Variants in GALNT17 observed in about 807,000 individuals in gnomAD.
GALNT17 encodes polypeptide N-acetylgalactosaminyltransferase 17, also known as UDP-GalNAc:polypeptide N-acetylgalactosaminyltransferase-like 3.
GALNT17 carries 29 observed loss-of-function variants against 63.7 expected under a neutral mutation model. The observed-to-expected ratio is 0.46, with a 90% confidence interval of 0.34 to 0.62. The LOEUF (loss-of-function observed/expected upper bound fraction) is 0.62. GALNT17 is among the 20% of genes least tolerant of loss of function. The pLI is 0.01. For missense variants in GALNT17, 603 were observed against 799.6 expected (o/e 0.75, Z 2.97); for synonymous variants, 305 against 318.3 (o/e 0.96, Z 0.45).
At chr7:71,375,972 C>T (rs943077965) in intron 2 of GALNT17, among the ~76,000 whole-genome samples, 3 of 151,908 alleles carry the variant, frequency 2.0e-5, no homozygotes, top group Non-Finnish European at 2.9e-5. Flanking sequence ...AGCTACTTGA[C>T]GGGGGCTGAG....
intron 5 of GALNT17, among the ~76,000 whole-genome samples, chr7:71,428,395 G>T (rs1358242948): frequency 6.6e-6 from 1 of 151,676 alleles, no homozygotes; most frequent in African/African-American, 2.4e-5. Flanking sequence ...AGTTTATGAG[G>T]TTCATTCATG....
intron 1 of GALNT17, among the ~76,000 whole-genome samples, chr7:71,334,155 C>T (rs555340190): frequency 8.5e-5 from 13 of 152,272 alleles, no homozygotes; most frequent in African/African-American, 2.2e-4. Context: ...GCTCGTCTGA[C>T]GGTGCTCGTT....
intron 5 of GALNT17, among the ~76,000 whole-genome samples, chr7:71,525,716 C>A (rs758411774): frequency 3.5e-5 from 5 of 144,102 alleles, no homozygotes; most frequent in African/African-American, 1.3e-4. Flanking sequence ...TGAAATTACT[C>A]AGTCTTGGGT....
intron 3 of GALNT17, among the ~76,000 whole-genome samples, chr7:71,399,013 A>G (rs1403908083): frequency 6.6e-6 from 1 of 152,128 alleles, no homozygotes; most frequent in Admixed American, 6.6e-5. Context: ...TGGGACGATC[A>G]CTTGAGGTCA....
At chr7:71,579,207 T>C (rs1377596135) in intron 6 of GALNT17, among the ~76,000 whole-genome samples, 1 of 152,248 alleles carries the variant, frequency 6.6e-6, no homozygotes, top group Non-Finnish European at 1.5e-5. Context: ...GCAAAGTTCC[T>C]GGTCTTGTCC....
At chr7:71,383,896 G>A (rs1463556023) in intron 2 of GALNT17, among the ~76,000 whole-genome samples, 1 of 152,230 alleles carries the variant, frequency 6.6e-6, no homozygotes, top group African/African-American at 2.4e-5. Flanking sequence ...ATTTAGCTGC[G>A]AATAATGCTC....
At chr7:71,205,442 G>A (rs1636497) in intron 1 of GALNT17, among the ~76,000 whole-genome samples, 20,651 of 151,950 alleles carry the variant, frequency 0.14, 1,450 homozygotes, top group East Asian at 0.23. Context: ...ATGAGCCACC[G>A]TGCCCGGCCA....
intron 1 of GALNT17, among the ~76,000 whole-genome samples, chr7:71,315,977 C>T (rs575583749): frequency 3.3e-5 from 5 of 152,238 alleles, no homozygotes; most frequent in East Asian, 1.9e-4. Flanking sequence ...CTGTCAACTA[C>T]GGTGAGAGGG....
intron 6 of GALNT17, among the ~76,000 whole-genome samples, chr7:71,596,231 G>A (rs952447277): frequency 4.6e-5 from 7 of 152,054 alleles, no homozygotes; most frequent in African/African-American, 1.7e-4. Flanking sequence ...GTAGAGACGG[G>A]GTTTCACCAT....
At chr7:71,135,231 T>A (rs1194909145) in intron 1 of GALNT17, among the ~76,000 whole-genome samples, 1 of 152,172 alleles carries the variant, frequency 6.6e-6, no homozygotes, top group Non-Finnish European at 1.5e-5. Flanking sequence ...TAAAATTCTA[T>A]AATAATAACT....
At chr7:71,425,863 G>A (rs929146644) in intron 5 of GALNT17, among the ~76,000 whole-genome samples, 1 of 152,148 alleles carries the variant, frequency 6.6e-6, no homozygotes, top group Non-Finnish European at 1.5e-5. Flanking sequence ...CATTGGCTTA[G>A]GATTCAGCAG....
At chr7:71,392,039 C>T (rs1243312889) in intron 3 of GALNT17, among the ~76,000 whole-genome samples, 1 of 152,042 alleles carries the variant, frequency 6.6e-6, no homozygotes, top group Admixed American at 6.5e-5. Context: ...GGGATCCACC[C>T]CCATGACCCA....
chr7:71,227,895 G>T (rs749123594), intron 1 of GALNT17, among the ~76,000 whole-genome samples: 1 of 152,080 alleles, frequency 6.6e-6, no homozygotes, highest in Admixed American at 6.6e-5. Flanking sequence ...TCTGCCGGTC[G>T]TGGCATGCCT....
chr7:71,244,006 T>C (rs1284670313), intron 1 of GALNT17, among the ~76,000 whole-genome samples: 2 of 152,062 alleles, frequency 1.3e-5, no homozygotes, highest in Non-Finnish European at 2.9e-5. Context: ...GATTGAGAAC[T>C]GGGGAAAGGG....
At chr7:71,353,240 A>G (rs894474499) in intron 2 of GALNT17, among the ~76,000 whole-genome samples, 1 of 152,136 alleles carries the variant, frequency 6.6e-6, no homozygotes, top group Non-Finnish European at 1.5e-5. Flanking sequence ...CACATTTTAC[A>G]ATATTTATAT....
At chr7:71,409,732 G>A (rs911124693) in intron 3 of GALNT17, among the ~76,000 whole-genome samples, 1 of 152,180 alleles carries the variant, frequency 6.6e-6, no homozygotes, top group Non-Finnish European at 1.5e-5. Flanking sequence ...TGCAGTAACA[G>A]ATCAATTATG....
intron 5 of GALNT17, among the ~76,000 whole-genome samples, chr7:71,555,791 G>A (rs1001139261): frequency 6.6e-6 from 1 of 152,214 alleles, no homozygotes; most frequent in Admixed American, 6.5e-5. Context: ...TGTCACAACC[G>A]CCATCCTCTG....
intron 9 of GALNT17, among the ~76,000 whole-genome samples, chr7:71,683,613 C>T (rs1791303310): frequency 6.6e-6 from 1 of 152,182 alleles, no homozygotes; most frequent in Non-Finnish European, 1.5e-5. Flanking sequence ...CTCAGAGAGC[C>T]TTGCTTGCTC....
chr7:71,538,865 G>A (rs926828584), intron 5 of GALNT17, among the ~76,000 whole-genome samples: 1 of 151,938 alleles, frequency 6.6e-6, no homozygotes, highest in African/African-American at 2.4e-5. Context: ...AGGGAGGGAT[G>A]GTGGGAGAGA....
Sources: allele counts gnomAD v4.1 joint callset (sites outside exome capture counted in the v4.1 genomes callset), GRCh38; gene constraint gnomAD v4.1.1; transcripts MANE v1.5; gene names NCBI Gene and HGNC (gene_info 2026-07-23, HGNC 2026-07-21).